The following GABBR2 variants were observed in gnomAD, a reference collection of about 807,000 sequenced individuals.
GABBR2 encodes the protein G-protein coupled receptor 51.
Under a neutral mutation model 105.6 loss-of-function variants are expected in GABBR2, and 23 were observed. That is an observed-to-expected ratio of 0.22 (90% CI 0.16 to 0.31). GABBR2 has a LOEUF of 0.31. GABBR2 is among the 10% of genes least tolerant of loss of function. GABBR2 has a pLI of 1.00. For missense variants in GABBR2, 734 were observed against 1,245.5 expected (o/e 0.59, Z 6.18); for synonymous variants, 478 against 499.7 (o/e 0.96, Z 0.58).
chr9:98,332,937 C>T (rs917797245), intron 13 of GABBR2, among the ~76,000 whole-genome samples: 3 of 152,196 alleles, frequency 2.0e-5, no homozygotes, highest in Non-Finnish European at 4.4e-5. Context: ...CTCGCTCTGG[C>T]AGCCCTGGTA....
chr9:98,450,684 T>C (rs1826215239), intron 7 of GABBR2, among the ~76,000 whole-genome samples: 1 of 152,180 alleles, frequency 6.6e-6, no homozygotes, highest in Non-Finnish European at 1.5e-5. Context: ...TTTGAGGATA[T>C]TTAAGACAAC....
chr9:98,464,805 T>C (rs1199169184), intron 6 of GABBR2, among the ~76,000 whole-genome samples: 3 of 152,194 alleles, frequency 2.0e-5, no homozygotes, highest in African/African-American at 7.2e-5. Flanking sequence ...ATGCTGTTAA[T>C]CTATAACCTT....
At position 98,364,059 on chromosome 9, in the gene GABBR2, C is replaced by T. The variant is rs147850233; in HGVS notation, c.1771-1222G>A. On this transcript the variant is annotated intron_variant, in intron 12 of 18. Transcript: ENST00000259455. ...AAAACCCGAGGGGCCTTTATGTTACCGAATGTAAAAAGAACACGAGGAAAG... is the reference window on the plus strand; with the variant it reads ...AAAACCCGAGGGGCCTTTATGTTACTGAATGTAAAAAGAACACGAGGAAAG... Among the ~76,000 whole-genome samples, 153 of 152,080 alleles carry T rather than the reference C, an allele frequency of 1.0e-3. 1 individual carries two copies. The East Asian group carries it at 0.026, about 26-fold the overall frequency.
At chr9:98,401,497 G>A (rs1323647987) in intron 8 of GABBR2, among the ~76,000 whole-genome samples, 3 of 152,172 alleles carry the variant, frequency 2.0e-5, no homozygotes, top group Non-Finnish European at 4.4e-5. Flanking sequence ...GGGAGGTGTC[G>A]AGGCTAGGGT....
At position 98,306,422 on chromosome 9, in the gene GABBR2, G is replaced by A; in HGVS notation, c.2005-77C>T. The A allele has an allele frequency of 6.4e-6, 5 of 786,760 alleles. No individual in the cohort carries two copies. In the South Asian group the frequency reaches 7.5e-5, roughly 12 times the overall value. 48.7% of individuals were successfully genotyped at this position (786,760 alleles called of 1,614,324 possible). A position where few individuals can be genotyped will look rare whatever the true frequency, so the allele number is the denominator to read the frequency against. On this transcript the variant is annotated intron_variant, in intron 14 of 18. Coordinates refer to ENST00000259455, the MANE Select transcript of GABBR2 (RefSeq NM_005458.8). The surrounding 1 kb of genome is among the most constrained non-coding windows in gnomAD (Gnocchi z 5.4). ...ACACAGGCTGCTCTGAGAAGCTGTG[G>A]AGTGGAGGGTTACTCAGGAGGTGGG...
intron 1 of GABBR2, among the ~76,000 whole-genome samples, chr9:98,650,030 C>T (rs2131844893): frequency 6.6e-6 from 1 of 152,340 alleles, no homozygotes; most frequent in South Asian, 2.1e-4. Context: ...CCTTCCATTA[C>T]TGTTCCCTGA....
intron 1 of GABBR2, among the ~76,000 whole-genome samples, chr9:98,656,357 A>G (rs1223456077): frequency 3.9e-5 from 6 of 152,142 alleles, no homozygotes; most frequent in Non-Finnish European, 5.9e-5. Context: ...AACTAAATGG[A>G]AGGTGCTGCA....
intron 1 of GABBR2, among the ~76,000 whole-genome samples, chr9:98,685,306 T>C (rs1038864467): frequency 1.3e-5 from 2 of 152,218 alleles, no homozygotes; most frequent in African/African-American, 4.8e-5. Context: ...GCACTGTTGG[T>C]TTCCCTACTT....
At chr9:98,435,459 C>A (rs1338190399) in intron 7 of GABBR2, among the ~76,000 whole-genome samples, 2 of 152,158 alleles carry the variant, frequency 1.3e-5, no homozygotes, top group Non-Finnish European at 2.9e-5. Context: ...CCATCCACTC[C>A]TCTCTATACC....
chr9:98,690,736 G>C (rs982818135), intron 1 of GABBR2, among the ~76,000 whole-genome samples: 1 of 152,308 alleles, frequency 6.6e-6, no homozygotes, highest in Non-Finnish European at 1.5e-5. Context: ...GGGAATAAAG[G>C]AGAAACCCAA....
chr9:98,694,653 C>T (rs979468275), intron 1 of GABBR2, among the ~76,000 whole-genome samples: 5 of 152,150 alleles, frequency 3.3e-5, no homozygotes, highest in Non-Finnish European at 7.4e-5. Context: ...GAATTAATTA[C>T]TCTTTGTGTT....
At chr9:98,351,842 T>C (rs920281514) in intron 13 of GABBR2, among the ~76,000 whole-genome samples, 4 of 152,210 alleles carry the variant, frequency 2.6e-5, no homozygotes, top group Non-Finnish European at 1.5e-5. Context: ...TTGGAATATG[T>C]TATTGGAGAA....
At chr9:98,487,250 A>G (rs1564089354) in intron 4 of GABBR2, among the ~76,000 whole-genome samples, 4 of 152,154 alleles carry the variant, frequency 2.6e-5, no homozygotes, top group Admixed American at 2.6e-4. Flanking sequence ...GGGTGCCTGT[A>G]TGAACTTCAG....
chr9:98,390,499 T>A (rs1009790807), intron 9 of GABBR2, among the ~76,000 whole-genome samples: 2 of 151,778 alleles, frequency 1.3e-5, no homozygotes, highest in African/African-American at 4.8e-5. Context: ...AACCTGCTGA[T>A]GTGGTTAATG....
At chr9:98,417,502 C>T (rs1164848897) in intron 7 of GABBR2, among the ~76,000 whole-genome samples, 6 of 152,086 alleles carry the variant, frequency 3.9e-5, no homozygotes, top group East Asian at 1.9e-4. Context: ...GTGAGTAGTT[C>T]GGGGTTCTAG....
intron 11 of GABBR2, among the ~76,000 whole-genome samples, chr9:98,377,627 G>C (rs1831900342): frequency 6.6e-6 from 1 of 152,198 alleles, no homozygotes; most frequent in African/African-American, 2.4e-5. Flanking sequence ...ATGAATGAAT[G>C]AATTGTGGGA....
chr9:98,297,472 G>A (rs971586890), intron 17 of GABBR2, among the ~76,000 whole-genome samples: 1 of 151,808 alleles, frequency 6.6e-6, no homozygotes, highest in African/African-American at 2.4e-5. Context: ...AATTAGCTGG[G>A]TGCAGTGGCA....
intron 7 of GABBR2, among the ~76,000 whole-genome samples, chr9:98,428,713 A>T (rs1825743406): frequency 6.6e-6 from 1 of 152,230 alleles, no homozygotes; most frequent in Non-Finnish European, 1.5e-5. Context: ...CAGCCAATCA[A>T]AACTAACGGG....
At chr9:98,691,188 T>C (rs1469084073) in intron 1 of GABBR2, among the ~76,000 whole-genome samples, 1 of 152,158 alleles carries the variant, frequency 6.6e-6, no homozygotes, top group African/African-American at 2.4e-5. Flanking sequence ...CAAACAAGGA[T>C]GGGTCCCATT....
Sources: gnomAD v4.1 joint callset for allele counts (sites outside exome capture counted in the v4.1 genomes callset) on GRCh38, gnomAD v4.1.1 for gene constraint, Gnocchi (gnomAD v3.1) non-coding constraint, MANE v1.5 for transcripts, NCBI Gene and HGNC (gene_info 2026-07-23, HGNC 2026-07-21) for gene names.